The following CACNA2D3 variants were observed in gnomAD, a reference collection of about 807,000 sequenced individuals.
The protein encoded by CACNA2D3 is calcium voltage-gated channel auxiliary subunit alpha2delta 3, also known as voltage-dependent calcium channel subunit alpha-2/delta-3.
A neutral mutation model predicts 160.6 loss-of-function variants in CACNA2D3; 60 were observed. The ratio of observed to expected loss-of-function variants is 0.37; its 90% CI spans 0.30 to 0.46. The LOEUF is 0.46. CACNA2D3 is among the 20% of genes least tolerant of loss of function. The pLI, the probability that CACNA2D3 is intolerant of heterozygous loss-of-function variation, is 1.00. For synonymous variants in CACNA2D3, 558 were observed against 492.9 expected (o/e 1.13, Z -1.75); for missense variants, 1,205 against 1,365.0 (o/e 0.88, Z 1.85).
intron 11 of CACNA2D3, among the ~76,000 whole-genome samples, chr3:54,726,826 G>A (rs749876735): frequency 6.6e-6 from 1 of 152,128 alleles, no homozygotes; most frequent in Non-Finnish European, 1.5e-5. Flanking sequence ...AGGAAACGTG[G>A]GTAATACCAT....
At chr3:54,166,989 G>A (rs541892481) in intron 2 of CACNA2D3, among the ~76,000 whole-genome samples, 30 of 152,252 alleles carry the variant, frequency 2.0e-4, no homozygotes, top group Middle Eastern at 3.4e-3. Context: ...CTTGAATTAC[G>A]TAAAAACGTC....
At chr3:54,133,624 A>G (rs1699760741) in intron 2 of CACNA2D3, among the ~76,000 whole-genome samples, 1 of 152,214 alleles carries the variant, frequency 6.6e-6, no homozygotes, top group African/African-American at 2.4e-5. Flanking sequence ...GAGCTGGAAT[A>G]AGAGGAGGGC....
intron 9 of CACNA2D3, among the ~76,000 whole-genome samples, chr3:54,596,671 C>G (rs1575369629): frequency 6.6e-6 from 1 of 152,004 alleles, no homozygotes; most frequent in Non-Finnish European, 1.5e-5. Context: ...CACCAGCTTT[C>G]TCTCTTCGTC....
chr3:54,965,067 A>C (rs1702118339), intron 27 of CACNA2D3, among the ~76,000 whole-genome samples: 2 of 152,206 alleles, frequency 1.3e-5, no homozygotes, highest in Non-Finnish European at 1.5e-5. Flanking sequence ...CTTTTTCTGT[A>C]AAGGACCAAT....
chr3:54,906,373 G>T (rs534230208), intron 27 of CACNA2D3, among the ~76,000 whole-genome samples: 6 of 152,266 alleles, frequency 3.9e-5, no homozygotes, highest in African/African-American at 1.4e-4. Context: ...GTGCACATGG[G>T]TATGTGGTGG....
chr3:55,045,021 C>T (rs1445789668), intron 35 of CACNA2D3, among the ~76,000 whole-genome samples: 1 of 151,912 alleles, frequency 6.6e-6, no homozygotes, highest in African/African-American at 2.4e-5. Context: ...GGCTTTTTTA[C>T]TCTATGTTAA....
At chr3:54,162,982 T>C (rs1284161821) in intron 2 of CACNA2D3, among the ~76,000 whole-genome samples, 1 of 152,242 alleles carries the variant, frequency 6.6e-6, no homozygotes, top group African/African-American at 2.4e-5. Context: ...GCCTCACTGA[T>C]TGGTTACATT....
intron 35 of CACNA2D3, among the ~76,000 whole-genome samples, chr3:55,033,463 T>C (rs1392184033): frequency 6.6e-6 from 1 of 151,322 alleles, no homozygotes; most frequent in African/African-American, 2.4e-5. Flanking sequence ...TACAGGCGCT[T>C]AGGTATATTA....
chr3:54,909,417 A>C (rs1332624960), intron 27 of CACNA2D3, among the ~76,000 whole-genome samples: 1 of 151,798 alleles, frequency 6.6e-6, no homozygotes, highest in African/African-American at 2.4e-5. Context: ...TTTTGATCTC[A>C]GTTAAGACTA....
chr3:54,997,946 CA>C (rs1702895343), intron 31 of CACNA2D3, among the ~76,000 whole-genome samples: 1 of 152,114 alleles, frequency 6.6e-6, no homozygotes, highest in Admixed American at 6.5e-5. Context: ...GTTTGGGAAG[CA>C]GTTTAAGTGT....
intron 21 of CACNA2D3, among the ~76,000 whole-genome samples, chr3:54,885,053 G>A (rs370717141): frequency 6.6e-5 from 10 of 152,134 alleles, no homozygotes; most frequent in African/African-American, 2.4e-4. Flanking sequence ...GAACAGCCAG[G>A]GAAGGTGGCA....
At chr3:54,213,662 A>C (rs1380440637) in intron 2 of CACNA2D3, among the ~76,000 whole-genome samples, 2 of 152,220 alleles carry the variant, frequency 1.3e-5, no homozygotes, top group Non-Finnish European at 2.9e-5. Flanking sequence ...ATGTGGACCC[A>C]CTGGTCTCAT....
chr3:55,019,131 G>A (rs1703393890), intron 35 of CACNA2D3, among the ~76,000 whole-genome samples: 1 of 130,098 alleles, frequency 7.7e-6, no homozygotes, highest in Non-Finnish European at 1.5e-5. Flanking sequence ...TCTAGTCATG[G>A]GCTGAGTTCC....
intron 4 of CACNA2D3, among the ~76,000 whole-genome samples, chr3:54,463,110 C>A (rs1014855948): frequency 6.6e-6 from 1 of 152,030 alleles, no homozygotes; most frequent in Admixed American, 6.6e-5. Flanking sequence ...GGCCCCCACT[C>A]TCTTCTGGCT....
chr3:54,732,182 G>T (rs1231805977), intron 11 of CACNA2D3, among the ~76,000 whole-genome samples: 1 of 152,200 alleles, frequency 6.6e-6, no homozygotes, highest in East Asian at 1.9e-4. Flanking sequence ...TATATTTGAT[G>T]ACATCACTCT....
At chr3:55,060,116 G>A (rs1451233087) in intron 35 of CACNA2D3, among the ~76,000 whole-genome samples, 1 of 152,166 alleles carries the variant, frequency 6.6e-6, no homozygotes, top group Non-Finnish European at 1.5e-5. Context: ...TGTCTCCTAC[G>A]CAGTATTTAC....
intron 10 of CACNA2D3, chr3:54,638,711 C>T (rs539413846): frequency 6.6e-6 from 1 of 151,952 alleles, no homozygotes; most frequent in East Asian, 1.9e-4. Context: ...AATGCCTGGA[C>T]GTCAGGCACC....
intron 3 of CACNA2D3, among the ~76,000 whole-genome samples, chr3:54,373,176 G>A (rs888486790): frequency 1.3e-5 from 2 of 152,194 alleles, no homozygotes; most frequent in Non-Finnish European, 2.9e-5. Flanking sequence ...CACCAGTGTC[G>A]TATTAATCGA....
intron 4 of CACNA2D3, among the ~76,000 whole-genome samples, chr3:54,403,785 A>T (rs1699521378): frequency 6.6e-6 from 1 of 152,164 alleles, no homozygotes; most frequent in African/African-American, 2.4e-5. Context: ...AAATATATGA[A>T]ATCAGAAATG....
Sources: allele counts gnomAD v4.1 joint callset (sites outside exome capture counted in the v4.1 genomes callset), GRCh38; gene constraint gnomAD v4.1.1; transcripts MANE v1.5; gene names NCBI Gene and HGNC (gene_info 2026-07-23, HGNC 2026-07-21).